Variants in CDH18 observed in about 807,000 individuals in gnomAD.
The protein encoded by CDH18 is cadherin 18.
A neutral mutation model predicts 67.9 loss-of-function variants in CDH18; 31 were observed. The ratio of observed to expected loss-of-function variants is 0.46; its 90% CI spans 0.34 to 0.62. The LOEUF (loss-of-function observed/expected upper bound fraction) is 0.62, where lower values mean the gene tolerates loss of function less well. CDH18 is among the 20% of genes least tolerant of loss of function. The pLI, the probability that CDH18 is intolerant of heterozygous loss-of-function variation, is 0.01. For missense variants in CDH18, 890 were observed against 975.5 expected, an observed-to-expected ratio of 0.91 and a Z score of 1.17; for synonymous variants, 362 against 347.2, an observed-to-expected ratio of 1.04 and a Z score of -0.48.
intron 2 of CDH18, among the ~76,000 whole-genome samples, chr5:19,925,348 T>C (rs1792963475): frequency 6.6e-6 from 1 of 152,174 alleles, no homozygotes. Context: ...GTGGGTCTTC[T>C]GGTGTTATTC....
intron 2 of CDH18, among the ~76,000 whole-genome samples, chr5:20,228,880 CTTCTTGACAGCAACAGA>C (rs1199209806): frequency 6.6e-6 from 1 of 152,056 alleles, no homozygotes. Flanking sequence ...TGAATATCCT[CTTCTTGACAGCAACAGA>C]ATGGACATCA....
chr5:19,642,159 A>G (rs1304685366), intron 5 of CDH18, among the ~76,000 whole-genome samples: 1 of 151,998 alleles, frequency 6.6e-6, no homozygotes, highest in Non-Finnish European at 1.5e-5. Context: ...AAAATTAAAA[A>G]CATTGATGAA....
intron 2 of CDH18, among the ~76,000 whole-genome samples, chr5:20,171,742 T>C (rs1308774998): frequency 6.6e-6 from 1 of 152,110 alleles, no homozygotes; most frequent in African/African-American, 2.4e-5. Context: ...TTGTCAATTT[T>C]TCCTTTTTTT....
At chr5:19,685,096 A>G (rs1019396430) in intron 5 of CDH18, among the ~76,000 whole-genome samples, 2 of 152,154 alleles carry the variant, frequency 1.3e-5, no homozygotes, top group Admixed American at 1.3e-4. Flanking sequence ...ACTTTAACCT[A>G]CTTCTGTGGA....
intron 5 of CDH18, among the ~76,000 whole-genome samples, chr5:19,682,024 A>G (rs556802988): frequency 1.5e-4 from 23 of 152,168 alleles, no homozygotes; most frequent in African/African-American, 5.3e-4. Context: ...GAGTCCTAGA[A>G]GAGGTGTAAA....
intron 5 of CDH18, among the ~76,000 whole-genome samples, chr5:19,695,274 T>C (rs1359654847): frequency 2.0e-5 from 3 of 152,216 alleles, no homozygotes; most frequent in Non-Finnish European, 4.4e-5. Flanking sequence ...TGGTGATTTG[T>C]TTATTGAACA....
At chr5:19,802,062 T>A (rs1472954867) in intron 3 of CDH18, among the ~76,000 whole-genome samples, 3 of 152,046 alleles carry the variant, frequency 2.0e-5, no homozygotes, top group East Asian at 1.9e-4. Flanking sequence ...GTAAAAAAAA[T>A]TAGCATAAAC....
intron 3 of CDH18, among the ~76,000 whole-genome samples, chr5:19,774,499 C>G (rs370602926): frequency 2.0e-5 from 3 of 149,608 alleles, no homozygotes; most frequent in African/African-American, 4.9e-5. Flanking sequence ...AGAAATGGAG[C>G]CCTCATGAAT....
intron 5 of CDH18, among the ~76,000 whole-genome samples, chr5:19,659,202 TAATTA>T (rs557588267): frequency 6.6e-6 from 1 of 152,262 alleles, no homozygotes; most frequent in Non-Finnish European, 1.5e-5. Context: ...CTACATTCTA[TAATTA>T]AATAATAACT....
chr5:20,220,381 A>G (rs1741129430), intron 2 of CDH18, among the ~76,000 whole-genome samples: 1 of 152,004 alleles, frequency 6.6e-6, no homozygotes, highest in African/African-American at 2.4e-5. Flanking sequence ...TAGGAAAAGG[A>G]TAGTCGCTTT....
At chr5:19,912,346 G>C (rs574872713) in intron 2 of CDH18, among the ~76,000 whole-genome samples, 7 of 152,178 alleles carry the variant, frequency 4.6e-5, no homozygotes, top group South Asian at 4.1e-4. Flanking sequence ...GGGAGTTTAA[G>C]GGAGATAAAA....
chr5:19,672,518 G>C (rs1758889103), intron 5 of CDH18, among the ~76,000 whole-genome samples: 1 of 151,964 alleles, frequency 6.6e-6, no homozygotes, highest in African/African-American at 2.4e-5. Context: ...AAACTGATTT[G>C]TTCACACAAC....
chr5:20,262,665 T>C (rs960369056), intron 1 of CDH18, among the ~76,000 whole-genome samples: 3 of 152,144 alleles, frequency 2.0e-5, no homozygotes, highest in African/African-American at 7.2e-5. Context: ...GTGACAGTGA[T>C]GCTAAAAAGA....
intron 5 of CDH18, among the ~76,000 whole-genome samples, chr5:19,668,478 A>T (rs1758281386): frequency 6.6e-6 from 1 of 152,082 alleles, no homozygotes; most frequent in African/African-American, 2.4e-5. Context: ...AGGAATTTAA[A>T]ATGTAAATGC....
intron 2 of CDH18, among the ~76,000 whole-genome samples, chr5:19,997,296 C>T (rs1736095019): frequency 6.6e-6 from 1 of 152,068 alleles, no homozygotes; most frequent in Non-Finnish European, 1.5e-5. Flanking sequence ...AATAGTTCCA[C>T]AGAATATTCT....
chr5:19,713,657 G>C (rs926877804), intron 5 of CDH18, among the ~76,000 whole-genome samples: 1 of 151,914 alleles, frequency 6.6e-6, no homozygotes, highest in Non-Finnish European at 1.5e-5. Flanking sequence ...AAAGTACTTT[G>C]GTACTTTGTT....
chr5:20,162,377 A>G (rs1177197042), intron 2 of CDH18, among the ~76,000 whole-genome samples: 1 of 149,140 alleles, frequency 6.7e-6, no homozygotes, highest in Admixed American at 6.7e-5. Context: ...GATTTCAAAC[A>G]AATTTTATTA....
intron 9 of CDH18, among the ~76,000 whole-genome samples, chr5:19,528,512 T>C (rs949810146): frequency 1.3e-5 from 2 of 151,602 alleles, no homozygotes; most frequent in Non-Finnish European, 3.0e-5. Context: ...ATATATATAT[T>C]TTAAATGTTT....
At chr5:19,507,945 A>G (rs1744477778) in intron 10 of CDH18, among the ~76,000 whole-genome samples, 1 of 152,094 alleles carries the variant, frequency 6.6e-6, no homozygotes, top group African/African-American at 2.4e-5. Flanking sequence ...CTCTACATAA[A>G]AAATGAGGAT....
Sources: allele counts gnomAD v4.1 joint callset (sites outside exome capture counted in the v4.1 genomes callset), GRCh38; gene constraint gnomAD v4.1.1; transcripts MANE v1.5; gene names NCBI Gene and HGNC (gene_info 2026-07-23, HGNC 2026-07-21).